ZBTB7C: variants seen among roughly 807,000 people sequenced by gnomAD.
The protein encoded by ZBTB7C is zinc finger and BTB domain-containing protein 7C.
Under a neutral mutation model 25.7 loss-of-function variants are expected in ZBTB7C, and 8 were observed. That is an observed-to-expected ratio of 0.31 (90% CI 0.18 to 0.56). The LOEUF (loss-of-function observed/expected upper bound fraction) is 0.56, where lower values mean the gene tolerates loss of function less well. Ranked by LOEUF, ZBTB7C falls within the 20% of genes least tolerant of loss-of-function variation. ZBTB7C has a pLI of 0.91. For synonymous variants in ZBTB7C, 394 were observed against 369.0 expected (o/e 1.07, Z -0.78); for missense variants, 824 against 855.2 (o/e 0.96, Z 0.46).
intron 3 of ZBTB7C, among the ~76,000 whole-genome samples, chr18:48,073,562 C>G (rs1006205614): frequency 6.6e-6 from 1 of 152,188 alleles, no homozygotes; most frequent in Non-Finnish European, 1.5e-5. Flanking sequence ...AGTGGCTGCT[C>G]TTCTGGGCCA....
chr18:48,313,402 C>T (rs534078495), intron 2 of ZBTB7C, among the ~76,000 whole-genome samples: 1 of 152,194 alleles, frequency 6.6e-6, no homozygotes, highest in South Asian at 2.1e-4. Context: ...GGTGCTTAGG[C>T]CCTGTCCAGA....
At chr18:48,144,292 T>A (rs200051859) in intron 3 of ZBTB7C, among the ~76,000 whole-genome samples, 11 of 151,806 alleles carry the variant, frequency 7.2e-5, no homozygotes, top group South Asian at 2.1e-4. Context: ...AAAAAAAATT[T>A]TTTTTTTCTT....
chr18:48,224,365 T>A (rs1274092850), intron 2 of ZBTB7C, among the ~76,000 whole-genome samples: 1 of 152,050 alleles, frequency 6.6e-6, no homozygotes, highest in Non-Finnish European at 1.5e-5. Context: ...GCTAAAAGCA[T>A]GGGAGAAAAC....
chr18:48,339,267 C>G lies in ZBTB7C; in HGVS notation c.-303-869G>C, dbSNP rs560769991. ...GTACCCACCTGGCTGTGACTCTCAG[C>G]TCCACCCCAACCATGGGCTCCTCCA... is the stretch of plus-strand genomic sequence containing the variant. On this transcript the variant is annotated intron_variant, in intron 1 of 4. Coordinates refer to ENST00000590800, the MANE Select transcript of ZBTB7C (RefSeq NM_001318841.2). Among the ~76,000 whole-genome samples the G allele has an allele frequency of 4.8e-4, 73 of 152,364 alleles. 1 individual carries two copies. Among genetic ancestry groups the G allele is most frequent in the African/African-American group, 1.7e-3 (71 of 41,588 alleles).
At chr18:48,109,824 G>A (rs539208474) in intron 3 of ZBTB7C, among the ~76,000 whole-genome samples, 1 of 152,258 alleles carries the variant, frequency 6.6e-6, no homozygotes, top group Admixed American at 6.5e-5. Flanking sequence ...AGACAAAAAG[G>A]TGCCTTCTTA....
At chr18:48,289,744 C>T (rs555132603) in intron 2 of ZBTB7C, among the ~76,000 whole-genome samples, 1 of 152,100 alleles carries the variant, frequency 6.6e-6, no homozygotes, top group African/African-American at 2.4e-5. Flanking sequence ...CAGACATGGA[C>T]CTTTGGGTCC....
intron 3 of ZBTB7C, among the ~76,000 whole-genome samples, chr18:48,133,883 A>AGG (rs1352991791): frequency 6.6e-6 from 1 of 152,176 alleles, no homozygotes; most frequent in African/African-American, 2.4e-5. Flanking sequence ...CCCAACCTGT[A>AGG]GGGCTGCCTG....
intron 3 of ZBTB7C, among the ~76,000 whole-genome samples, chr18:48,062,864 C>T (rs2037175665): frequency 6.6e-6 from 1 of 152,216 alleles, no homozygotes; most frequent in Non-Finnish European, 1.5e-5. Flanking sequence ...GAAAGCTCAG[C>T]TTGAGCTCTT....
intron 2 of ZBTB7C, among the ~76,000 whole-genome samples, chr18:48,243,847 A>AT (rs1248207907): frequency 6.6e-5 from 10 of 152,250 alleles, no homozygotes; most frequent in African/African-American, 2.4e-4. Context: ...ATGGAACAGA[A>AT]TAGAGAAACC....
chr18:48,162,370 TG>T, intron 3 of ZBTB7C: 2 of 456,632 alleles, frequency 4.4e-6, no homozygotes, highest in Non-Finnish European at 8.8e-6. Flanking sequence ...CTTGGGCAAG[TG>T]ACTTCTCTAT....
chr18:48,029,009 G>C lies in ZBTB7C; in HGVS notation c.*251C>G. The stretch of plus-strand genomic sequence containing the variant: ...CATGGGCCGGTGCAAGTTTCTATAT[G>C]AGAGCCAGAGAGACAGGGAGGGAGG... On this transcript the variant is annotated 3_prime_UTR_variant, in exon 5 of 5. Coordinates refer to ENST00000590800, the MANE Select transcript of ZBTB7C (RefSeq NM_001318841.2). The C allele has an allele frequency of 1.9e-6, 1 of 513,418 alleles. No individual in the cohort carries two copies. The highest frequency in any genetic ancestry group is 3.3e-6 in the Non-Finnish European group (1 of 302,808). The allele number at this position is 513,418 out of a possible 1,614,324, so 31.8% of individuals were successfully genotyped here. A position where few individuals can be genotyped will look rare whatever the true frequency, so the allele number is the denominator to read the frequency against.
chr18:48,080,812 G>A (rs990275053), intron 3 of ZBTB7C, among the ~76,000 whole-genome samples: 2 of 152,154 alleles, frequency 1.3e-5, no homozygotes, highest in African/African-American at 4.8e-5. Context: ...CAGGCAACCC[G>A]AGAGCCCCAG....
chr18:48,080,974 T>A (rs1258036458), intron 3 of ZBTB7C, among the ~76,000 whole-genome samples: 1 of 152,224 alleles, frequency 6.6e-6, no homozygotes, highest in Non-Finnish European at 1.5e-5. Context: ...TTGATCTCTC[T>A]CATCAAGCAT....
At chr18:48,102,073 C>T (rs927421154) in intron 3 of ZBTB7C, among the ~76,000 whole-genome samples, 2 of 152,210 alleles carry the variant, frequency 1.3e-5, no homozygotes, top group Non-Finnish European at 2.9e-5. Context: ...GCTTCTCACA[C>T]TGACAACTTC....
intron 3 of ZBTB7C, among the ~76,000 whole-genome samples, chr18:48,122,205 G>C (rs568857516): frequency 6.6e-6 from 1 of 152,198 alleles, no homozygotes; most frequent in Non-Finnish European, 1.5e-5. Flanking sequence ...AGAGGTGTGG[G>C]CAGCACAGTT....
chr18:48,330,558 G>C (rs997732827), intron 2 of ZBTB7C, among the ~76,000 whole-genome samples: 1 of 151,920 alleles, frequency 6.6e-6, no homozygotes, highest in Non-Finnish European at 1.5e-5. Context: ...GCCCTAAAAA[G>C]TGATATGATG....
chr18:48,383,738 C>A (rs1193106093), intron 1 of ZBTB7C, among the ~76,000 whole-genome samples: 3 of 152,136 alleles, frequency 2.0e-5, no homozygotes, highest in Non-Finnish European at 4.4e-5. Flanking sequence ...AGAAACAGCA[C>A]ACAGCAGAGT....
chr18:48,271,645 A>G (rs145908358), intron 2 of ZBTB7C, among the ~76,000 whole-genome samples: 39 of 150,656 alleles, frequency 2.6e-4, no homozygotes, highest in Admixed American at 2.0e-3. Context: ...TTTTCCATTT[A>G]TGCTAAAAAT....
intron 2 of ZBTB7C, among the ~76,000 whole-genome samples, chr18:48,189,907 A>C (rs2042152570): frequency 6.6e-6 from 1 of 152,190 alleles, no homozygotes; most frequent in African/African-American, 2.4e-5. Flanking sequence ...CTGTCTGTCA[A>C]GGGCTGGCCT....
Sources: gnomAD v4.1 joint callset for allele counts (sites outside exome capture counted in the v4.1 genomes callset) on GRCh38, gnomAD v4.1.1 for gene constraint, MANE v1.5 for transcripts, NCBI Gene and HGNC (gene_info 2026-07-23, HGNC 2026-07-21) for gene names.